The following ADAMTSL3 variants were observed in gnomAD, a reference collection of about 807,000 sequenced individuals.
ADAMTSL3 encodes ADAMTS like 3.
In ADAMTSL3, 128 loss-of-function variants were observed where a neutral mutation model predicts 201.7. The observed-to-expected ratio is 0.63, with a 90% confidence interval of 0.55 to 0.73. ADAMTSL3 has a LOEUF of 0.73. ADAMTSL3 is among the 30% of genes least tolerant of loss of function. The pLI is 0.00. For missense variants in ADAMTSL3, 1,990 were observed against 2,119.6 expected (o/e 0.94, Z 1.20); for synonymous variants, 738 against 748.4 (o/e 0.99, Z 0.23).
At chr15:83,685,394 T>TATCCTAGG (rs1220650092) in intron 2 of ADAMTSL3, among the ~76,000 whole-genome samples, 4 of 152,210 alleles carry the variant, frequency 2.6e-5, no homozygotes, top group African/African-American at 4.8e-5. Context: ...TTCAGTGATG[T>TATCCTAGG]ATCCTAGGTG....
chr15:83,662,490 C>G (rs1237056729), intron 2 of ADAMTSL3, among the ~76,000 whole-genome samples: 6 of 147,862 alleles, frequency 4.1e-5, no homozygotes, highest in Non-Finnish European at 5.9e-5. Flanking sequence ...TTAGTGGGTT[C>G]AGCGCACCAG....
intron 7 of ADAMTSL3, among the ~76,000 whole-genome samples, chr15:83,844,975 C>T (rs2064464945): frequency 6.6e-6 from 1 of 152,222 alleles, no homozygotes; most frequent in Non-Finnish European, 1.5e-5. Context: ...ATCTGCTCCT[C>T]ATTCCCTAAT....
chr15:83,898,029 T>C, intron 14 of ADAMTSL3, 24 bp downstream of exon 14: 2 of 1,591,148 alleles, frequency 1.3e-6, no homozygotes, highest in Non-Finnish European at 1.7e-6. Context: ...GCACTGTAAA[T>C]TCAAATCAAA....
intron 2 of ADAMTSL3, among the ~76,000 whole-genome samples, chr15:83,687,356 A>G (rs1026253220): frequency 1.3e-5 from 2 of 152,210 alleles, no homozygotes; most frequent in South Asian, 4.1e-4. Flanking sequence ...TTTTTGTCCT[A>G]CTAAGTCTTT....
At chr15:83,938,535 A>T (rs1402029940) in intron 17 of ADAMTSL3, among the ~76,000 whole-genome samples, 1 of 152,174 alleles carries the variant, frequency 6.6e-6, no homozygotes, top group African/African-American at 2.4e-5. Context: ...CTGTCATTTT[A>T]AAAAAAGCAT....
intron 8 of ADAMTSL3, among the ~76,000 whole-genome samples, chr15:83,865,802 C>G (rs145594826): frequency 0.024 from 3,707 of 152,156 alleles, 143 homozygotes; most frequent in African/African-American, 0.083. Context: ...ACAGCAAAAG[C>G]AACTACCATC....
chr15:83,878,342 G>T (rs2065213717), intron 9 of ADAMTSL3, among the ~76,000 whole-genome samples: 1 of 152,104 alleles, frequency 6.6e-6, no homozygotes. Flanking sequence ...GTTGCCGGGC[G>T]TGGTGGCTCA....
At chr15:83,667,701 G>T (rs543265631) in intron 2 of ADAMTSL3, among the ~76,000 whole-genome samples, 12 of 151,880 alleles carry the variant, frequency 7.9e-5, no homozygotes, top group African/African-American at 2.4e-4. Flanking sequence ...GAAAAAGCAG[G>T]TATTGTCCCC....
intron 6 of ADAMTSL3, among the ~76,000 whole-genome samples, chr15:83,821,969 C>T: frequency 6.7e-6 from 1 of 148,224 alleles, no homozygotes; most frequent in Admixed American, 6.7e-5. Context: ...CCCCTCACCT[C>T]CCGGACGGGG....
At chr15:83,722,460 AAGAT>A (rs1242093705) in intron 3 of ADAMTSL3, among the ~76,000 whole-genome samples, 5 of 152,232 alleles carry the variant, frequency 3.3e-5, no homozygotes, top group South Asian at 4.1e-4. Flanking sequence ...AAAATGGAAA[AAGAT>A]AGGAAGGAGC....
chr15:83,668,829 C>T (rs1395762822), intron 2 of ADAMTSL3, among the ~76,000 whole-genome samples: 1 of 152,168 alleles, frequency 6.6e-6, no homozygotes, highest in Non-Finnish European at 1.5e-5. Flanking sequence ...TAATGGGGCT[C>T]TGCTCTGTGT....
intron 2 of ADAMTSL3, among the ~76,000 whole-genome samples, chr15:83,662,734 A>G (rs1386162183): frequency 6.6e-6 from 1 of 151,928 alleles, no homozygotes; most frequent in East Asian, 1.9e-4. Context: ...TCCCTCTACC[A>G]TGGAATGGTA....
intron 4 of ADAMTSL3, among the ~76,000 whole-genome samples, chr15:83,801,667 T>TATATAA (rs2063523650): frequency 1.6e-5 from 1 of 61,546 alleles, no homozygotes; most frequent in African/African-American, 4.9e-5. Flanking sequence ...TATATATATA[T>TATATAA]ATATATATAT....
intron 15 of ADAMTSL3, among the ~76,000 whole-genome samples, chr15:83,909,389 T>C (rs1473308568): frequency 6.6e-6 from 1 of 152,174 alleles, no homozygotes; most frequent in African/African-American, 2.4e-5. Flanking sequence ...GTGTACCTTT[T>C]CAGGATGTAT....
intron 15 of ADAMTSL3, among the ~76,000 whole-genome samples, chr15:83,901,992 G>A (rs578245555): frequency 1.4e-4 from 21 of 152,148 alleles, no homozygotes; most frequent in Non-Finnish European, 1.9e-4. Context: ...GTTGCAGTCC[G>A]TCCAGTTCCC....
At chr15:83,737,455 A>C (rs976850167) in intron 3 of ADAMTSL3, among the ~76,000 whole-genome samples, 53 of 152,216 alleles carry the variant, frequency 3.5e-4, no homozygotes, top group South Asian at 2.1e-4. Flanking sequence ...ATGGTTTTAT[A>C]AGTGTTTGGC....
At chr15:83,702,240 G>C (rs1390449523) in intron 2 of ADAMTSL3, among the ~76,000 whole-genome samples, 1 of 152,146 alleles carries the variant, frequency 6.6e-6, no homozygotes, top group Non-Finnish European at 1.5e-5. Context: ...TACTGTTAAA[G>C]GCATTCAGTT....
At chr15:83,923,815 A>G in intron 16 of ADAMTSL3, 89 bp from the exon 17 acceptor site, 1 of 1,487,716 alleles carries the variant, frequency 6.7e-7, no homozygotes, top group Non-Finnish European at 9.2e-7. Flanking sequence ...GCAGTATGCT[A>G]AGAATGAGAA....
chr15:83,738,335 T>C (rs770637806), intron 3 of ADAMTSL3, among the ~76,000 whole-genome samples: 1 of 152,226 alleles, frequency 6.6e-6, no homozygotes, highest in Non-Finnish European at 1.5e-5. Context: ...TTATTAATTC[T>C]TGGGTCTCCT....
Sources: allele counts gnomAD v4.1 joint callset (sites outside exome capture counted in the v4.1 genomes callset), GRCh38; gene constraint gnomAD v4.1.1; transcripts MANE v1.5; gene names NCBI Gene and HGNC (gene_info 2026-07-23, HGNC 2026-07-21).